IWS1: variants seen among roughly 807,000 people sequenced by gnomAD.
IWS1 encodes the protein protein IWS1 homolog.
Under a neutral mutation model 86.7 loss-of-function variants are expected in IWS1, and 27 were observed. That is an observed-to-expected ratio of 0.31 (90% CI 0.23 to 0.43). IWS1 has a LOEUF of 0.43. IWS1 is among the 20% of genes least tolerant of loss of function. The probability of loss-of-function intolerance (pLI) is 1.00; values close to 1 mark genes in which losing one functional copy is unlikely to be tolerated. For synonymous variants in IWS1, 313 were observed against 335.1 expected, an observed-to-expected ratio of 0.93 and a Z score of 0.72; for missense variants, 827 against 1,000.8, an observed-to-expected ratio of 0.83 and a Z score of 2.34.
At chr2:127,513,721 A>G (rs1458553074) in intron 2 of IWS1, among the ~76,000 whole-genome samples, 1 of 112,618 alleles carries the variant, frequency 8.9e-6, no homozygotes, top group Non-Finnish European at 1.6e-5. Context: ...CTACCAAATT[A>G]TTTTCTTTTT....
At position 127,489,725 on chromosome 2, in the gene IWS1, A is replaced by G. The variant is rs566554376; in HGVS notation, c.2159+107T>C. Reference sequence around the variant, plus strand: ...AATTATGTACACATATCAAGCTGAGAGGAAAGGAAATCCTATCATCTTGCA... The same window carrying G: ...AATTATGTACACATATCAAGCTGAGGGGAAAGGAAATCCTATCATCTTGCA... On this transcript the variant is annotated intron_variant, in intron 11 of 13. Transcript: ENST00000295321. This position sits in a 1 kb window ranked among gnomAD's most constrained non-coding sequence, Gnocchi z 4.8. 3.0e-4 allele frequency: 220 copies of G among 740,850 alleles called. No individual in the cohort carries two copies. Among genetic ancestry groups the G allele is most frequent in the Non-Finnish European group, 5.0e-4 (203 of 407,620 alleles). The allele number at this position is 740,850 out of a possible 1,614,324, so 45.9% of individuals were successfully genotyped here.
chr2:127,516,527 C>T (rs1252986660), intron 2 of IWS1, among the ~76,000 whole-genome samples: 1 of 152,074 alleles, frequency 6.6e-6, no homozygotes, highest in Admixed American at 6.5e-5. Flanking sequence ...GCTGAGAGGC[C>T]AGGGTGGGAG....
intron 2 of IWS1, among the ~76,000 whole-genome samples, chr2:127,521,596 C>T (rs1251548055): frequency 1.3e-5 from 2 of 152,180 alleles, no homozygotes; most frequent in Non-Finnish European, 1.5e-5. Flanking sequence ...GTAAGACCTA[C>T]GGTTGGACAA....
intron 2 of IWS1, among the ~76,000 whole-genome samples, chr2:127,518,060 G>A (rs1405770927): frequency 6.6e-6 from 1 of 152,204 alleles, no homozygotes; most frequent in Non-Finnish European, 1.5e-5. Flanking sequence ...CTGTGGGGTG[G>A]GGAGGGGTAG....
chr2:127,491,465 C>T (rs1271489271), intron 10 of IWS1, among the ~76,000 whole-genome samples: 3 of 151,212 alleles, frequency 2.0e-5, no homozygotes, highest in Admixed American at 1.3e-4. Context: ...TTTTTTGAGA[C>T]GGAGTCTCGC....
At chr2:127,501,399 C>T (rs777556) in intron 5 of IWS1, among the ~76,000 whole-genome samples, 111,819 of 152,008 alleles carry the variant, frequency 0.74, 42,105 homozygotes, top group African/African-American at 0.89. Flanking sequence ...AGTTTTATTA[C>T]GATGTAGTTA....
At chr2:127,500,600 G>T (rs189920751) in intron 5 of IWS1, among the ~76,000 whole-genome samples, 62 of 151,978 alleles carry the variant, frequency 4.1e-4, no homozygotes, top group Non-Finnish European at 7.2e-4. Flanking sequence ...TTTATTTTCA[G>T]CTTTACCTTC....
intron 2 of IWS1, among the ~76,000 whole-genome samples, chr2:127,507,909 T>A (rs983891595): frequency 6.6e-6 from 1 of 152,244 alleles, no homozygotes; most frequent in Non-Finnish European, 1.5e-5. Flanking sequence ...TTTAAAATAA[T>A]GTGTAAAATT....
chr2:127,493,538 T>C (rs369223682), intron 8 of IWS1, 128 bp from the exon 9 acceptor site: 1 of 779,704 alleles, frequency 1.3e-6, no homozygotes, highest in African/African-American at 1.8e-5. Flanking sequence ...ATTTGACATT[T>C]ACTGAACACC....
rs762381665 is a variant in IWS1 at position 127,505,254 on chromosome 2, G to C, written c.649C>G (p.Pro217Ala). Residue 217 changes from proline to alanine, a missense_variant, in exon 3 of 14, where the codon CCT becomes GCT. Pro to Ala is a conservative substitution (Grantham distance 27). This residue lies in a region of IWS1 where 548 missense variants were observed against 560.2 expected (regional missense o/e 0.98). Transcript: ENST00000295321. This position sits in a 1 kb window ranked among gnomAD's most constrained non-coding sequence, Gnocchi z 5.0. Reference sequence around the variant, plus strand: ...TCTGAATCACTGACCTGAGGTTTAGGAAGCTCCTCACTTTCAGAATCACTC... The same window carrying C: ...TCTGAATCACTGACCTGAGGTTTAGCAAGCTCCTCACTTTCAGAATCACTC... ...RMSDSESEEL[P>A]KPQVSDSESE... 6.2e-7 allele frequency: 1 copy of C among 1,613,808 alleles called. No individual in the cohort carries two copies. Among genetic ancestry groups the C allele is most frequent in the Non-Finnish European group, 8.5e-7 (1 of 1,179,942 alleles).
intron 2 of IWS1, among the ~76,000 whole-genome samples, chr2:127,518,470 T>G (rs1452186372): frequency 6.6e-6 from 1 of 151,746 alleles, no homozygotes; most frequent in Non-Finnish European, 1.5e-5. Context: ...GCTGTGATTG[T>G]GCCACTACAC....
chr2:127,493,084 A>C (rs1690317193), intron 9 of IWS1, 197 bp downstream of exon 9: 1 of 424,688 alleles, frequency 2.4e-6, no homozygotes, highest in Non-Finnish European at 4.1e-6. Context: ...TTTTCCCTTC[A>C]ATGCGATAGT....
intron 7 of IWS1, 76 bp from the exon 8 acceptor site, chr2:127,495,030 C>A: frequency 1.2e-6 from 1 of 847,238 alleles, no homozygotes; most frequent in South Asian, 1.9e-5. Flanking sequence ...TAATTCTGAA[C>A]CTTAAAATAA....
intron 2 of IWS1, among the ~76,000 whole-genome samples, chr2:127,508,565 T>C (rs1038595008): frequency 5.3e-5 from 8 of 152,346 alleles, no homozygotes; most frequent in Non-Finnish European, 8.8e-5. Context: ...TTTATTTTAG[T>C]TGAAACTACA....
At chr2:127,485,214 C>A (rs941259778) in intron 13 of IWS1, among the ~76,000 whole-genome samples, 2 of 152,038 alleles carry the variant, frequency 1.3e-5, no homozygotes, top group Non-Finnish European at 2.9e-5. Context: ...CACTTAATAG[C>A]AACATGAACT....
chr2:127,485,517 T>C (rs974016152), intron 13 of IWS1, among the ~76,000 whole-genome samples: 4 of 152,198 alleles, frequency 2.6e-5, no homozygotes, highest in Admixed American at 6.5e-5. Flanking sequence ...GGAAACAAGC[T>C]ACCTCCCACC....
chr2:127,486,773 C>A (rs549107807), intron 12 of IWS1, 109 bp from the exon 13 acceptor site: 1 of 819,140 alleles, frequency 1.2e-6, no homozygotes, highest in Non-Finnish European at 2.0e-6. Context: ...CTGCAATGTT[C>A]GAAACTCCTC....
In IWS1 at chr2:127,502,732, G is replaced by A. The variant is rs150498536; in HGVS notation, c.1467+83C>T. The A allele has an allele frequency of 2.5e-3, 1,630 of 662,052 alleles. 28 individuals are homozygous for A. In the African/African-American group the frequency reaches 0.027, roughly 11 times the overall value. 41.0% of individuals were successfully genotyped at this position (662,052 alleles called of 1,614,324 possible). A position where few individuals can be genotyped will look rare whatever the true frequency, so the allele number is the denominator to read the frequency against. On this transcript the variant is annotated intron_variant, in intron 5 of 13. Coordinates refer to ENST00000295321, the MANE Select transcript of IWS1 (RefSeq NM_017969.3). ...CATAATTGTTTATTCCTACTTATTA[G>A]AATCATCTATAATGGTATCACTGCC...
In IWS1 at chr2:127,504,840, T is replaced by C. The variant is rs1219214203; in HGVS notation, c.1063A>G (p.Met355Val). ...QNDSFHSDSH[M>V]DRKKFHSSDS... ...GAACTGTGAAACTTTTTTCTGTCCATATGGCTGTCTGAATGGAAGGAGTCA... is the reference window on the plus strand; with the variant it reads ...GAACTGTGAAACTTTTTTCTGTCCACATGGCTGTCTGAATGGAAGGAGTCA... The change falls in exon 3 of 14, where the codon ATG becomes GTG. Residue 355 changes from methionine (M) to valine (V), a missense_variant. Physicochemically the swap from Met to Val is conservative, Grantham distance 21. Transcript: ENST00000295321. The C allele has an allele frequency of 4.3e-6, 7 of 1,614,102 alleles. No homozygotes were observed. The East Asian group carries it at 1.3e-4, about 31-fold the overall frequency.
Sources: allele counts gnomAD v4.1 joint callset (sites outside exome capture counted in the v4.1 genomes callset), GRCh38; gene constraint gnomAD v4.1.1; regional missense constraint gnomAD v4.1.1; non-coding constraint Gnocchi (gnomAD v3.1); transcripts MANE v1.5; gene names NCBI Gene and HGNC (gene_info 2026-07-23, HGNC 2026-07-21).